RAC2: variants seen among roughly 807,000 people sequenced by gnomAD.
RAC2 encodes ras-related C3 botulinum toxin substrate 2.
In RAC2, 1 loss-of-function variant was observed where a neutral mutation model predicts 24.0. The observed-to-expected ratio is 0.04, with a 90% confidence interval of 0.01 to 0.20. The LOEUF is 0.20. Among genes scored for constraint, RAC2 ranks in the 10% least tolerant of loss-of-function variants. RAC2 has a pLI of 1.00. For synonymous variants in RAC2, 114 were observed against 106.8 expected, an observed-to-expected ratio of 1.07 and a Z score of -0.41; for missense variants, 130 against 259.1, an observed-to-expected ratio of 0.50 and a Z score of 3.42.
intron 2 of RAC2, among the ~76,000 whole-genome samples, chr22:37,235,272 G>A (rs1184389748): frequency 6.6e-6 from 1 of 152,090 alleles, no homozygotes; most frequent in Non-Finnish European, 1.5e-5. Context: ...CAGAATTCCT[G>A]GTTACCTCTC....
chr22:37,236,416 A>T (rs537429964), intron 2 of RAC2, among the ~76,000 whole-genome samples: 1 of 152,122 alleles, frequency 6.6e-6, no homozygotes, highest in Non-Finnish European at 1.5e-5. Flanking sequence ...CCCTCACCCC[A>T]TTTTCCGGAT....
intron 1 of RAC2, among the ~76,000 whole-genome samples, chr22:37,243,545 G>A (rs767893737): frequency 6.6e-6 from 1 of 152,182 alleles, no homozygotes; most frequent in Non-Finnish European, 1.5e-5. Context: ...GAGGGGAGGG[G>A]AGAGAAAGTG....
chr22:37,242,418 A>G (rs1299847154), intron 1 of RAC2, among the ~76,000 whole-genome samples: 12 of 152,200 alleles, frequency 7.9e-5, no homozygotes, highest in Non-Finnish European at 1.3e-4. Flanking sequence ...GATTAACCCC[A>G]GAGCTGGTAC....
intron 3 of RAC2, 114 bp from the exon 4 acceptor site, chr22:37,232,108 G>A: frequency 2.9e-6 from 3 of 1,035,178 alleles, no homozygotes; most frequent in Non-Finnish European, 4.4e-6. Flanking sequence ...CCCAGGGAAT[G>A]CTGGGGACTT....
chr22:37,229,639 C>T (rs887792788), intron 5 of RAC2, among the ~76,000 whole-genome samples: 1 of 152,224 alleles, frequency 6.6e-6, no homozygotes, highest in African/African-American at 2.4e-5. Context: ...CCCCCCAGGA[C>T]TCCCCCTAGG....
intron 1 of RAC2, among the ~76,000 whole-genome samples, chr22:37,242,114 C>G (rs1927416431): frequency 6.6e-6 from 1 of 152,218 alleles, no homozygotes; most frequent in African/African-American, 2.4e-5. Context: ...TAGAGATGAG[C>G]CCATCCTCAT....
chr22:37,233,365 C>A lies in RAC2; in HGVS notation c.108-447G>T, dbSNP rs56341212. ...TGGCACCATCTCGGCCCACTGCAAA[C>A]TCTGCCCCCTGGGTTCAAGTGATTC... is the stretch of plus-strand genomic sequence containing the variant. On this transcript the variant is annotated intron_variant, in intron 2 of 6. Transcript: ENST00000249071. Among the ~76,000 whole-genome samples, 485 of 152,318 alleles carry A rather than the reference C, an allele frequency of 3.2e-3. 1 individual carries two copies. The highest frequency in any genetic ancestry group is 0.01 in the Middle Eastern group (3 of 294).
chr22:37,228,220 C>T (rs1234055380), intron 5 of RAC2, among the ~76,000 whole-genome samples: 1 of 152,232 alleles, frequency 6.6e-6, no homozygotes, highest in Non-Finnish European at 1.5e-5. Context: ...CTGGGCCCAG[C>T]TGGGGGCCTT....
At chr22:37,236,759 C>T (rs2145827741) in intron 2 of RAC2, among the ~76,000 whole-genome samples, 1 of 152,276 alleles carries the variant, frequency 6.6e-6, no homozygotes, top group East Asian at 1.9e-4. Flanking sequence ...GACCACAGGG[C>T]ACGCATGGCT....
intron 2 of RAC2, among the ~76,000 whole-genome samples, chr22:37,236,919 G>A (rs1009107377): frequency 2.0e-5 from 3 of 152,134 alleles, no homozygotes; most frequent in African/African-American, 7.2e-5. Context: ...AGCTGGGCAC[G>A]GTGGCTCACG....
At chr22:37,232,491 A>G in intron 3 of RAC2, 2 of 470,794 alleles carry the variant, frequency 4.2e-6, no homozygotes, top group Non-Finnish European at 7.9e-6. Context: ...AGGGCTCACC[A>G]TGCTGGGCTG....
chr22:37,232,610 C>G, intron 3 of RAC2, 191 bp downstream of exon 3: 1 of 616,674 alleles, frequency 1.6e-6, no homozygotes, highest in Admixed American at 2.5e-5. Context: ...GACCGGGAAC[C>G]AATGCAGGGC....
chr22:37,236,208 G>A (rs543969145), intron 2 of RAC2, among the ~76,000 whole-genome samples: 44 of 152,322 alleles, frequency 2.9e-4, no homozygotes, highest in South Asian at 1.0e-3. Context: ...CCACCCCACT[G>A]GGAGATGCTG....
intron 2 of RAC2, among the ~76,000 whole-genome samples, chr22:37,234,310 A>G (rs1173632714): frequency 2.0e-5 from 3 of 152,198 alleles, no homozygotes; most frequent in Non-Finnish European, 4.4e-5. Flanking sequence ...AGTTCTTGCT[A>G]CACACATCCC....
At chr22:37,237,628 T>C (rs1330275940) in intron 2 of RAC2, among the ~76,000 whole-genome samples, 1 of 152,022 alleles carries the variant, frequency 6.6e-6, no homozygotes, top group Non-Finnish European at 1.5e-5. Flanking sequence ...GGATTTCAAA[T>C]GAAAGTGAAA....
At chr22:37,241,165 G>A (rs771823232) in intron 2 of RAC2, 1 of 778,578 alleles carries the variant, frequency 1.3e-6, no homozygotes, top group Non-Finnish European at 2.4e-6. Flanking sequence ...GGCCTCCCAG[G>A]CCTGCAGACA....
At chr22:37,237,539 C>T (rs1927267480) in intron 2 of RAC2, among the ~76,000 whole-genome samples, 1 of 152,130 alleles carries the variant, frequency 6.6e-6, no homozygotes, top group Non-Finnish European at 1.5e-5. Flanking sequence ...CTGGTGGGGC[C>T]TGGCGCACAC....
intron 2 of RAC2, among the ~76,000 whole-genome samples, chr22:37,238,612 G>A (rs928948758): frequency 8.5e-5 from 13 of 152,100 alleles, no homozygotes; most frequent in Non-Finnish European, 1.5e-4. Context: ...GTAAGGGGGC[G>A]CCCCTCTATG....
At chr22:37,226,910 C>G in intron 5 of RAC2, 107 bp from the exon 6 acceptor site, 1 of 1,386,700 alleles carries the variant, frequency 7.2e-7, no homozygotes, top group Non-Finnish European at 1.0e-6. Context: ...ACACCCCTCC[C>G]ACGCCATACA....
Sources: gnomAD v4.1 joint callset for allele counts (sites outside exome capture counted in the v4.1 genomes callset) on GRCh38, gnomAD v4.1.1 for gene constraint, MANE v1.5 for transcripts, NCBI Gene and HGNC (gene_info 2026-07-23, HGNC 2026-07-21) for gene names.